Variants in ROBO2 observed in about 807,000 individuals in gnomAD.
ROBO2 encodes roundabout guidance receptor 2, also known as roundabout homolog 2.
A neutral mutation model predicts 160.8 loss-of-function variants in ROBO2; 53 were observed. That is an observed-to-expected ratio of 0.33 (90% CI 0.26 to 0.41). The LOEUF is 0.41. Among genes scored for constraint, ROBO2 ranks in the 10% least tolerant of loss-of-function variants. ROBO2 has a pLI of 1.00. For synonymous variants in ROBO2, 664 were observed against 611.7 expected (o/e 1.09, Z -1.26); for missense variants, 1,577 against 1,722.4 (o/e 0.92, Z 1.49).
At chr3:77,338,235 A>C (rs2066692170) in intron 2 of ROBO2, among the ~76,000 whole-genome samples, 1 of 152,174 alleles carries the variant, frequency 6.6e-6, no homozygotes, top group Non-Finnish European at 1.5e-5. Flanking sequence ...TTACTTCAGC[A>C]TTTCCACATT....
chr3:76,029,897 G>C (rs7628973), intron 2 of ROBO2, among the ~76,000 whole-genome samples: 32,954 of 151,910 alleles, frequency 0.22, 4,207 homozygotes, highest in African/African-American at 0.36. Context: ...GGAATTGCTG[G>C]GTCAAATGGT....
At chr3:77,253,909 A>G (rs1272178395) in intron 2 of ROBO2, among the ~76,000 whole-genome samples, 1 of 152,236 alleles carries the variant, frequency 6.6e-6, no homozygotes, top group Non-Finnish European at 1.5e-5. Context: ...TTTGTTCAAA[A>G]TAATAAAGAA....
intron 2 of ROBO2, among the ~76,000 whole-genome samples, chr3:76,271,223 G>A (rs1707413583): frequency 6.6e-6 from 1 of 151,974 alleles, no homozygotes; most frequent in South Asian, 2.1e-4. Context: ...GACTGATTAG[G>A]TGACTGCAAA....
intron 2 of ROBO2, among the ~76,000 whole-genome samples, chr3:77,286,503 G>A (rs560969747): frequency 2.0e-5 from 3 of 152,150 alleles, no homozygotes; most frequent in African/African-American, 4.8e-5. Flanking sequence ...TGATCCGACC[G>A]CCTTGGCCTC....
chr3:76,840,482 C>T (rs1417380071), intron 2 of ROBO2, among the ~76,000 whole-genome samples: 7 of 151,262 alleles, frequency 4.6e-5, no homozygotes, highest in South Asian at 2.1e-4. Flanking sequence ...TGGTGGCAGG[C>T]GCCTGTAGTC....
intron 23 of ROBO2, among the ~76,000 whole-genome samples, chr3:77,625,347 C>A (rs2094989194): frequency 6.6e-6 from 1 of 151,658 alleles, no homozygotes; most frequent in African/African-American, 2.4e-5. Context: ...AACACATATA[C>A]AACCTTTACG....
At chr3:76,383,789 A>G (rs1348537112) in intron 2 of ROBO2, among the ~76,000 whole-genome samples, 5 of 152,256 alleles carry the variant, frequency 3.3e-5, no homozygotes. Context: ...AACCCCTGAC[A>G]ACAGGAAGTA....
intron 2 of ROBO2, among the ~76,000 whole-genome samples, chr3:76,276,746 A>AAGAATGCC (rs1276362500): frequency 2.0e-5 from 3 of 152,020 alleles, no homozygotes; most frequent in Non-Finnish European, 4.4e-5. Context: ...CTTAATTAAC[A>AAGAATGCC]TTGAACAACA....
At chr3:76,544,999 G>A (rs17014334) in intron 2 of ROBO2, among the ~76,000 whole-genome samples, 1,752 of 152,050 alleles carry the variant, frequency 0.012, 31 homozygotes, top group African/African-American at 0.04. Context: ...ACATTGAGTA[G>A]ATATTGATGT....
intron 1 of ROBO2, among the ~76,000 whole-genome samples, chr3:77,089,571 A>G (rs1252925247): frequency 6.6e-6 from 1 of 152,148 alleles, no homozygotes. Flanking sequence ...CTCAATTTTG[A>G]TTTTGTTTCA....
intron 16 of ROBO2, among the ~76,000 whole-genome samples, chr3:77,583,573 C>A (rs528326324): frequency 2.6e-5 from 4 of 152,008 alleles, no homozygotes; most frequent in Non-Finnish European, 5.9e-5. Context: ...TTTATTATGA[C>A]CATATTAAGT....
At chr3:76,408,928 A>G (rs2075351568) in intron 2 of ROBO2, among the ~76,000 whole-genome samples, 1 of 152,012 alleles carries the variant, frequency 6.6e-6, no homozygotes, top group African/African-American at 2.4e-5. Flanking sequence ...TTGTCAGTTT[A>G]GAGTAACATT....
At chr3:76,751,697 A>G (rs1190086702) in intron 2 of ROBO2, among the ~76,000 whole-genome samples, 1 of 152,182 alleles carries the variant, frequency 6.6e-6, no homozygotes, top group East Asian at 1.9e-4. Context: ...AAAAATGCTC[A>G]TCATCACTGG....
intron 2 of ROBO2, among the ~76,000 whole-genome samples, chr3:76,220,205 A>C (rs1164441873): frequency 1.3e-5 from 2 of 151,136 alleles, no homozygotes; most frequent in East Asian, 3.9e-4. Flanking sequence ...GAGGGATAGC[A>C]TTAGGAGATA....
intron 16 of ROBO2, among the ~76,000 whole-genome samples, chr3:77,585,548 G>A (rs557036772): frequency 6.6e-6 from 1 of 151,698 alleles, no homozygotes; most frequent in Non-Finnish European, 1.5e-5. Context: ...TCTATCTTTT[G>A]TTCAAATAGT....
chr3:76,632,977 T>A (rs915403174), intron 2 of ROBO2, among the ~76,000 whole-genome samples: 2 of 152,162 alleles, frequency 1.3e-5, no homozygotes, highest in African/African-American at 2.4e-5. Context: ...CAAAGAAAAA[T>A]GCATTATAGC....
chr3:76,555,111 T>G (rs1232022880), intron 2 of ROBO2, among the ~76,000 whole-genome samples: 2 of 152,274 alleles, frequency 1.3e-5, no homozygotes, highest in African/African-American at 4.8e-5. Context: ...CTATTAATTC[T>G]CTATGAAATG....
intron 2 of ROBO2, among the ~76,000 whole-genome samples, chr3:76,632,503 T>G (rs774233024): frequency 2.0e-5 from 3 of 152,150 alleles, no homozygotes; most frequent in Non-Finnish European, 4.4e-5. Flanking sequence ...AGCACAATTC[T>G]TACCAAATGT....
At chr3:76,035,940 A>G (rs1263500890) in intron 2 of ROBO2, among the ~76,000 whole-genome samples, 1 of 151,974 alleles carries the variant, frequency 6.6e-6, no homozygotes, top group African/African-American at 2.4e-5. Flanking sequence ...CCCTCAAATC[A>G]TTGTATTGTC....
Sources: gnomAD v4.1 joint callset for allele counts (sites outside exome capture counted in the v4.1 genomes callset) on GRCh38, gnomAD v4.1.1 for gene constraint, MANE v1.5 for transcripts, NCBI Gene and HGNC (gene_info 2026-07-23, HGNC 2026-07-21) for gene names.